Variants in DNMT1 observed in about 807,000 individuals in gnomAD.
The protein encoded by DNMT1 is DNA (cytosine-5)-methyltransferase 1.
Under a neutral mutation model 205.3 loss-of-function variants are expected in DNMT1, and 24 were observed. That is an observed-to-expected ratio of 0.12 (90% confidence interval 0.08 to 0.16). DNMT1 has a LOEUF of 0.16. Ranked by LOEUF, DNMT1 falls within the 10% of genes least tolerant of loss-of-function variation. The pLI is 1.00. For missense variants in DNMT1, 1,293 were observed against 2,177.7 expected (o/e 0.59, Z 8.09); for synonymous variants, 817 against 839.8 (o/e 0.97, Z 0.47).
chr19:10,135,041 A>T lies in DNMT1; in HGVS notation c.4773+695T>A, dbSNP rs191073444. Among the ~76,000 whole-genome samples the T allele has an allele frequency of 2.8e-3, 420 of 151,702 alleles. 2 individuals carry two copies. Among genetic ancestry groups the T allele is most frequent in the Non-Finnish European group, 5.2e-3 (353 of 67,894 alleles). On this transcript the variant is annotated intron_variant, in intron 39 of 40. Transcript: ENST00000359526. ...AGCCTGGCCAACATGGTGAAACCCC[A>T]TCTCTACTAAAAATACAAAAATTAG... is the stretch of plus-strand genomic sequence containing the variant.
intron 19 of DNMT1, among the ~76,000 whole-genome samples, chr19:10,155,595 G>A (rs538895347): frequency 1.3e-5 from 2 of 152,060 alleles, no homozygotes; most frequent in East Asian, 1.9e-4. Context: ...CCCCCAACTC[G>A]GCCTCCCAAA....
In DNMT1 at chr19:10,151,053, C is replaced by T. The variant is rs1289948931; in HGVS notation, c.2265+345G>A. On this transcript the variant is annotated intron_variant, in intron 24 of 40. Transcript: ENST00000359526. The surrounding 1 kb of genome is among the most constrained non-coding windows in gnomAD (Gnocchi z 5.0). ...GAGGTTGCAGCGAGCTGAGATCGTG[C>T]CACTGCACTCCAGCCTGGGTGACAG... 1.3e-5 allele frequency among the ~76,000 whole-genome samples: 2 copies of T among 152,164 alleles called. No individual in the cohort carries two copies. The highest frequency in any genetic ancestry group is 2.9e-5 in the Non-Finnish European group (2 of 68,036).
chr19:10,175,086 C>CATAT (rs1388838778), intron 7 of DNMT1, among the ~76,000 whole-genome samples: 1 of 54,152 alleles, frequency 1.8e-5, no homozygotes, highest in African/African-American at 6.9e-5. Flanking sequence ...TACATACATA[C>CATAT]ACACACACAC....
intron 17 of DNMT1, among the ~76,000 whole-genome samples, chr19:10,157,448 G>A (rs979843298): frequency 3.3e-5 from 5 of 152,146 alleles, no homozygotes; most frequent in Admixed American, 6.6e-5. Flanking sequence ...TCGGGAGCAC[G>A]TTCTTTAGTG....
At chr19:10,144,478 G>T (rs1010971622) in intron 28 of DNMT1, 2 of 223,042 alleles carry the variant, frequency 9.0e-6, no homozygotes, top group Non-Finnish European at 1.8e-5. Context: ...CACCCTCTGC[G>T]CATTACTGGC....
At chr19:10,141,049 G>T in intron 31 of DNMT1, 56 bp downstream of exon 31, 2 of 1,613,082 alleles carry the variant, frequency 1.2e-6, no homozygotes, top group South Asian at 1.1e-5. Flanking sequence ...GGGATTCACA[G>T]GCAGCCTCCA....
chr19:10,148,183 TC>T (rs2038243315), intron 27 of DNMT1, among the ~76,000 whole-genome samples: 2 of 145,328 alleles, frequency 1.4e-5, no homozygotes, highest in African/African-American at 5.0e-5. Context: ...AAAGCTTCCC[TC>T]AAAGCAGTCA....
chr19:10,167,500 CT>C (rs953634094), intron 10 of DNMT1, among the ~76,000 whole-genome samples: 3 of 152,168 alleles, frequency 2.0e-5, no homozygotes, highest in Admixed American at 1.3e-4. Flanking sequence ...CCTGGCCCAA[CT>C]TTTTTCAACA....
rs952835848 is a variant in DNMT1 at position 10,152,600 on chromosome 19, GT to G, written c.2020-754del. Reference sequence around the variant, plus strand: ...CATGGCAAAATCCCATCTACAAAATGTTTTTTTTTAATTAGCTGGGCATGGT... The same window carrying G: ...CATGGCAAAATCCCATCTACAAAATGTTTTTTTTAATTAGCTGGGCATGGT... On this transcript the variant is annotated intron_variant, in intron 22 of 40. Coordinates refer to ENST00000359526, the MANE Select transcript of DNMT1 (RefSeq NM_001130823.3). Among the ~76,000 whole-genome samples the G allele has an allele frequency of 4.7e-5, 7 of 150,414 alleles. No homozygotes were observed. The South Asian group carries it at 8.5e-4, about 18-fold the overall frequency.
chr19:10,157,796 G>C (rs1312211158), intron 17 of DNMT1, among the ~76,000 whole-genome samples: 2 of 152,198 alleles, frequency 1.3e-5, no homozygotes, highest in Non-Finnish European at 2.9e-5. Flanking sequence ...AGCCAGCGTG[G>C]ATCAAGGGAG....
chr19:10,163,755 T>C (rs1470128889), intron 11 of DNMT1, among the ~76,000 whole-genome samples: 1 of 152,200 alleles, frequency 6.6e-6, no homozygotes, highest in African/African-American at 2.4e-5. Flanking sequence ...TAAAACTTTA[T>C]TTACAGGCTG....
Position 10,162,697 on chromosome 19 carries a change from C to T in DNMT1, c.978G>A (p.Gln326=). The T allele has an allele frequency of 6.2e-7, 1 of 1,610,938 alleles. No homozygotes were observed. The highest frequency in any genetic ancestry group is 8.5e-7 in the Non-Finnish European group (1 of 1,178,512). The change falls in exon 13 of 41, where the codon CAG becomes CAA. Residue 326 remains glutamine, a synonymous_variant. Coordinates refer to ENST00000359526, the MANE Select transcript of DNMT1 (RefSeq NM_001130823.3). The part of the protein sequence containing the change: ...EEKEPEKVNP[Q]ISDEKDEDEK... ...CATCCTCGTCTTTTTCATCAGAAAT[C>T]TGTGGATTTACTTTTTCAGGTTCTT... is the stretch of plus-strand genomic sequence containing the variant.
At chr19:10,155,184 A>C in intron 19 of DNMT1, 128 bp from the exon 20 acceptor site, 1 of 1,269,874 alleles carries the variant, frequency 7.9e-7, no homozygotes, top group Non-Finnish European at 1.1e-6. Context: ...CAAATGTCAG[A>C]AACATAGGGC....
chr19:10,138,668 A>ACCCAGG lies in DNMT1; in HGVS notation c.3949-69_3949-64dup. On this transcript the variant is annotated intron_variant, in intron 34 of 40. Coordinates refer to ENST00000359526, the MANE Select transcript of DNMT1 (RefSeq NM_001130823.3). The surrounding 1 kb of genome is among the most constrained non-coding windows in gnomAD (Gnocchi z 4.1). The stretch of plus-strand genomic sequence containing the variant: ...GGACACTCCCAACTGGACTGGCCAG[A>ACCCAGG]CCCAGGCCCAGGGTCAGCAGCCTGA... 1 of 1,559,018 alleles carries ACCCAGG rather than the reference A, an allele frequency of 6.4e-7. No homozygotes were observed. The highest frequency in any genetic ancestry group is 1.1e-5 in the South Asian group (1 of 87,550).
Position 10,151,164 on chromosome 19 carries a change from G to A in DNMT1, c.2265+234C>T, listed in dbSNP as rs1183633931. On this transcript the variant is annotated intron_variant, in intron 24 of 40. Transcript: ENST00000359526. The surrounding 1 kb of genome is among the most constrained non-coding windows in gnomAD (Gnocchi z 5.0). ...TGATGCCCCTAGAACTGTGTCAAAT[G>A]CCCATTTTGGGACATTAGGAGAACT... Among the ~76,000 whole-genome samples, 1 of 152,148 alleles carries A rather than the reference G, an allele frequency of 6.6e-6. No individual in the cohort carries two copies. Among genetic ancestry groups the A allele is most frequent in the Non-Finnish European group, 1.5e-5 (1 of 68,016 alleles).
chr19:10,146,272 G>A lies in DNMT1; in HGVS notation c.2894+79C>T, dbSNP rs2038198390. 6.4e-7 allele frequency: 1 copy of A among 1,557,526 alleles called. No individual in the cohort carries two copies. The highest frequency in any genetic ancestry group is 1.8e-5 in the Admixed American group (1 of 54,952). ...TGGTGCGGAGGGATTGGCAATGTCT[G>A]TAAGGAGGGGGACACCACAAAGCCA... On this transcript the variant is annotated intron_variant, in intron 28 of 40. Transcript: ENST00000359526. This position sits in a 1 kb window ranked among gnomAD's most constrained non-coding sequence, Gnocchi z 4.4.
Position 10,142,202 on chromosome 19 carries a change from C to T in DNMT1, c.3135G>A (p.Lys1045=), listed in dbSNP as rs1599349549. ...CTGCGTGGTAGCTCGCTGGAGTGGA[C>T]TTGTGGGTGTTCTCAGGCCTGCGAG... ...NKFYRPENTH[K]STPASYHADI... is the part of the protein sequence containing the mutation. The change falls in exon 30 of 41, where the codon AAG becomes AAA. Residue 1045 remains lysine (K), a synonymous_variant. Transcript: ENST00000359526. 4 of 1,613,898 alleles carry T rather than the reference C, an allele frequency of 2.5e-6. No homozygotes were observed. In the East Asian group the frequency reaches 6.7e-5, roughly 27 times the overall value.
intron 40 of DNMT1, among the ~76,000 whole-genome samples, 189 bp downstream of exon 40, chr19:10,134,028 T>TGC (rs1267436614): frequency 6.6e-6 from 1 of 152,240 alleles, no homozygotes; most frequent in African/African-American, 2.4e-5. Flanking sequence ...GCAGCACGCC[T>TGC]GCTCTAAGCA....
At chr19:10,147,235 C>G (rs2038220554) in intron 27 of DNMT1, among the ~76,000 whole-genome samples, 1 of 151,994 alleles carries the variant, frequency 6.6e-6, no homozygotes, top group Non-Finnish European at 1.5e-5. Flanking sequence ...GCATTCCAGC[C>G]TGGGTGACAG....
Sources: gnomAD v4.1 joint callset for allele counts (sites outside exome capture counted in the v4.1 genomes callset) on GRCh38, gnomAD v4.1.1 for gene constraint, Gnocchi (gnomAD v3.1) non-coding constraint, MANE v1.5 for transcripts, NCBI Gene and HGNC (gene_info 2026-07-23, HGNC 2026-07-21) for gene names.